Variants in HS3ST3B1 observed in about 807,000 individuals in gnomAD.
The protein encoded by HS3ST3B1 is heparan sulfate glucosamine 3-O-sulfotransferase 3B1.
Under a neutral mutation model 21.3 loss-of-function variants are expected in HS3ST3B1, and 13 were observed. That is an observed-to-expected ratio of 0.61 (90% CI 0.40 to 0.97). HS3ST3B1 has a LOEUF of 0.97. Ranked by LOEUF, HS3ST3B1 falls within the 50% of genes least tolerant of loss-of-function variation. The probability of loss-of-function intolerance (pLI) is 0.00; values close to 1 mark genes in which losing one functional copy is unlikely to be tolerated. For synonymous variants in HS3ST3B1, 234 were observed against 254.8 expected (o/e 0.92, Z 0.78); for missense variants, 459 against 554.8 (o/e 0.83, Z 1.73).
Position 14,345,772 on chromosome 17 carries a change from G to A in HS3ST3B1, c.*126G>A. On this transcript the variant is annotated 3_prime_UTR_variant, in exon 2 of 2. Coordinates refer to ENST00000360954, the MANE Select transcript of HS3ST3B1 (RefSeq NM_006041.3). ...AATTCATAAGCAATTAATTCACTAA[G>A]CTGCCTAGCCACACTCTTTAGAGAG... 8.3e-7 allele frequency: 1 copy of A among 1,211,494 alleles called. No individual in the cohort carries two copies. Among genetic ancestry groups the A allele is most frequent in the East Asian group, 2.6e-5 (1 of 38,232 alleles). The allele number at this position is 1,211,494 out of a possible 1,614,324, so 75.0% of individuals were successfully genotyped here.
At position 14,301,451 on chromosome 17, in the gene HS3ST3B1, C is replaced by A; in HGVS notation, c.-68C>A. ...CCAGCGTGCCGGGGAACCCTCTCTG[C>A]GCTCACTGCCCGGCGGGACCCACGC... On this transcript the variant is annotated 5_prime_UTR_variant, in exon 1 of 2. Transcript: ENST00000360954. 2 of 1,337,832 alleles carry A rather than the reference C, an allele frequency of 1.5e-6. No individual in the cohort carries two copies. Among genetic ancestry groups the A allele is most frequent in the Non-Finnish European group, 1.9e-6 (2 of 1,034,476 alleles). The allele number at this position is 1,337,832 out of a possible 1,614,324, so 82.9% of individuals were successfully genotyped here.
intron 1 of HS3ST3B1, 118 bp from the exon 2 acceptor site, chr17:14,344,910 T>A: frequency 2.1e-6 from 3 of 1,409,894 alleles, no homozygotes; most frequent in Non-Finnish European, 1.9e-6. Flanking sequence ...GCATTTTACA[T>A]GTTTCTACCA....
rs570680988 is a variant in HS3ST3B1, at chr17:14,305,022, T to C, written c.554+2950T>C. The C allele has an allele frequency of 7.9e-5, 12 of 152,226 alleles. No individual in the cohort carries two copies. In the East Asian group the frequency reaches 1.9e-3, roughly 25 times the overall value. 9.4% of individuals were successfully genotyped at this position (152,226 alleles called of 1,614,324 possible). On this transcript the variant is annotated intron_variant, in intron 1 of 1. Transcript: ENST00000360954. ...GGAGTTTGATTGCTCTTCCTTCCAC[T>C]TGGCAAAAGGAGACACCATCAGCCG...
rs369768779 is a variant in HS3ST3B1, at chr17:14,311,840, C to T, written c.554+9768C>T. On this transcript the variant is annotated intron_variant, in intron 1 of 1. Transcript: ENST00000360954. Reference sequence around the variant, plus strand: ...TTGTATGCATCGTTTCTCTGCAGGGCCTCCTCTTCCTTGAAGCACCACTTA... The same window carrying T: ...TTGTATGCATCGTTTCTCTGCAGGGTCTCCTCTTCCTTGAAGCACCACTTA... Among the ~76,000 whole-genome samples the T allele has an allele frequency of 3.9e-5, 6 of 152,216 alleles. No homozygotes were observed. The East Asian group carries it at 7.7e-4, about 20-fold the overall frequency.
intron 1 of HS3ST3B1, among the ~76,000 whole-genome samples, chr17:14,318,842 C>T (rs1485232774): frequency 6.6e-6 from 1 of 152,216 alleles, no homozygotes; most frequent in Non-Finnish European, 1.5e-5. Flanking sequence ...AGAACAAGCC[C>T]ATGACTATTT....
intron 1 of HS3ST3B1, chr17:14,329,295 AAGAAAGAAAGAG>A (rs1388599053): frequency 2.8e-5 from 4 of 145,436 alleles, no homozygotes; most frequent in Non-Finnish European, 6.0e-5. Flanking sequence ...TGAGGAAATA[AAGAAAGAAAGAG>A]AGAAAGAGAG....
At chr17:14,325,465 T>A (rs1909780489) in intron 1 of HS3ST3B1, among the ~76,000 whole-genome samples, 1 of 152,164 alleles carries the variant, frequency 6.6e-6, no homozygotes, top group Non-Finnish European at 1.5e-5. Flanking sequence ...GAGAAAAAAG[T>A]CCAGAGAACT....
chr17:14,323,582 T>A (rs917551555), intron 1 of HS3ST3B1, among the ~76,000 whole-genome samples: 4 of 152,102 alleles, frequency 2.6e-5, no homozygotes, highest in South Asian at 2.1e-4. Context: ...ATGTGCTTTT[T>A]TTTTTGTCTC....
Position 14,329,319 on chromosome 17 carries a change from A to AAGAG in HS3ST3B1, c.555-15706_555-15705insGAGA, listed in dbSNP as rs1170640067. 529 of 84,056 alleles carry AAGAG rather than the reference A, an allele frequency of 6.3e-3. 8 individuals are homozygous for AAGAG. The highest frequency in any genetic ancestry group is 0.025 in the African/African-American group (488 of 19,704). The allele number at this position is 84,056 out of a possible 1,614,324, so 5.2% of individuals were successfully genotyped here. A position where few individuals can be genotyped will look rare whatever the true frequency, so the allele number is the denominator to read the frequency against. On this transcript the variant is annotated intron_variant, in intron 1 of 1. Coordinates refer to ENST00000360954, the MANE Select transcript of HS3ST3B1 (RefSeq NM_006041.3). ...AAAGAAAGAAAGAGAGAAAGAGAGA[A>AAGAG]AGAAAGAAAGAAAGAAAGAAAGAAA...
rs898777943 is a variant in HS3ST3B1 at position 14,307,014 on chromosome 17, A to T, written c.554+4942A>T. ...AAGTTGAAGGGAAAATATAACATAA[A>T]TTAACCTAATCATAAGTGTTTTCCC... On this transcript the variant is annotated intron_variant, in intron 1 of 1. Coordinates refer to ENST00000360954, the MANE Select transcript of HS3ST3B1 (RefSeq NM_006041.3). 9.9e-5 allele frequency among the ~76,000 whole-genome samples: 15 copies of T among 151,650 alleles called. No individual in the cohort carries two copies. The East Asian group carries it at 2.9e-3, about 30-fold the overall frequency.
intron 1 of HS3ST3B1, among the ~76,000 whole-genome samples, chr17:14,306,457 G>A (rs1412282481): frequency 3.9e-5 from 6 of 152,158 alleles, no homozygotes; most frequent in African/African-American, 1.4e-4. Context: ...TAAAAAGAGT[G>A]CCCCCAAATC....
intron 1 of HS3ST3B1, among the ~76,000 whole-genome samples, chr17:14,320,663 G>T (rs1230760061): frequency 1.3e-5 from 2 of 152,150 alleles, no homozygotes; most frequent in South Asian, 2.1e-4. Context: ...CAGAAAAAAG[G>T]GCCAGTGCTG....
chr17:14,330,595 T>C lies in HS3ST3B1; in HGVS notation c.555-14433T>C, dbSNP rs140413529. Among the ~76,000 whole-genome samples the C allele has an allele frequency of 3.9e-4, 51 of 131,368 alleles. 1 individual carries two copies. The East Asian group carries it at 0.011, about 28-fold the overall frequency. The allele number at this position is 131,368 out of a possible 152,430, so 86.2% of individuals were successfully genotyped here. On this transcript the variant is annotated intron_variant, in intron 1 of 1. Coordinates refer to ENST00000360954, the MANE Select transcript of HS3ST3B1 (RefSeq NM_006041.3). ...TGTGTGTGTGTGTGTTGCTTGCGGG[T>C]GGAGGTTTAGTGATTTTCATCAACT...
intron 1 of HS3ST3B1, among the ~76,000 whole-genome samples, chr17:14,331,149 T>C (rs954110305): frequency 6.6e-6 from 1 of 152,184 alleles, no homozygotes; most frequent in Non-Finnish European, 1.5e-5. Flanking sequence ...TTGCTTTTTT[T>C]TCCCCCTAGG....
intron 1 of HS3ST3B1, among the ~76,000 whole-genome samples, chr17:14,314,841 T>C (rs1209807780): frequency 1.3e-5 from 2 of 152,218 alleles, no homozygotes; most frequent in Non-Finnish European, 1.5e-5. Context: ...TCCCACTTTT[T>C]TCAGGTATGT....
chr17:14,317,562 G>A (rs1189687942), intron 1 of HS3ST3B1, among the ~76,000 whole-genome samples: 2 of 152,154 alleles, frequency 1.3e-5, no homozygotes, highest in African/African-American at 2.4e-5. Context: ...AGCACGGATA[G>A]GAGCTTGCTG....
intron 1 of HS3ST3B1, among the ~76,000 whole-genome samples, chr17:14,333,782 T>C (rs1479859073): frequency 6.6e-6 from 1 of 152,150 alleles, no homozygotes; most frequent in African/African-American, 2.4e-5. Context: ...TGGGGGATAG[T>C]AGAGGCTGAG....
At chr17:14,337,830 T>C (rs866352396) in intron 1 of HS3ST3B1, among the ~76,000 whole-genome samples, 3 of 151,682 alleles carry the variant, frequency 2.0e-5, no homozygotes, top group African/African-American at 4.9e-5. Flanking sequence ...CTTCTCATTT[T>C]TTCCCCCCAC....
rs1910650086 is a variant in HS3ST3B1, at chr17:14,348,907, G to A, written c.*3261G>A. On this transcript the variant is annotated 3_prime_UTR_variant, in exon 2 of 2. Transcript: ENST00000360954. ...TTTAATAAATACTTAATTGGATGAT[G>A]GAGGAGGAGAAATTGTTTTCTTCCC... is the stretch of plus-strand genomic sequence containing the variant. 1 of 152,178 alleles carries A rather than the reference G, an allele frequency of 6.6e-6. No individual in the cohort carries two copies. Among genetic ancestry groups the A allele is most frequent in the African/African-American group, 2.4e-5 (1 of 41,436 alleles). 9.4% of individuals were successfully genotyped at this position (152,178 alleles called of 1,614,324 possible).
Sources: gnomAD v4.1 joint callset for allele counts (sites outside exome capture counted in the v4.1 genomes callset) on GRCh38, gnomAD v4.1.1 for gene constraint, MANE v1.5 for transcripts, NCBI Gene and HGNC (gene_info 2026-07-23, HGNC 2026-07-21) for gene names.